Variants in STX12 observed in about 807,000 individuals in gnomAD.
STX12 encodes the protein syntaxin 12.
In STX12, 17 loss-of-function variants were observed where a neutral mutation model predicts 42.2. The ratio of observed to expected loss-of-function variants is 0.40; its 90% CI spans 0.28 to 0.60. The LOEUF is 0.60. STX12 is among the 20% of genes least tolerant of loss of function. The probability of loss-of-function intolerance (pLI) is 0.39; values close to 1 mark genes in which losing one functional copy is unlikely to be tolerated. For synonymous variants in STX12, 108 were observed against 116.7 expected, an observed-to-expected ratio of 0.93 and a Z score of 0.48; for missense variants, 297 against 330.9, an observed-to-expected ratio of 0.90 and a Z score of 0.79.
In STX12 at chr1:27,804,775, C is replaced by T. The variant is rs562755226; in HGVS notation, c.426+2960C>T. Among the ~76,000 whole-genome samples, 8 of 151,182 alleles carry T rather than the reference C, an allele frequency of 5.3e-5. No individual in the cohort carries two copies. The South Asian group carries it at 1.5e-3, about 28-fold the overall frequency. On this transcript the variant is annotated intron_variant, in intron 4 of 8. Transcript: ENST00000373943. ...GCCATGAGCTGAGACCGCACCGCTGCACTCCAGCCTGGGCAACAGAGTGAG... is the reference window on the plus strand; with the variant it reads ...GCCATGAGCTGAGACCGCACCGCTGTACTCCAGCCTGGGCAACAGAGTGAG...
intron 1 of STX12, among the ~76,000 whole-genome samples, chr1:27,773,663 GC>G (rs1204414839): frequency 6.6e-6 from 1 of 152,216 alleles, no homozygotes; most frequent in African/African-American, 2.4e-5. Flanking sequence ...CCCCCACGGT[GC>G]TGGGACCAAA....
intron 6 of STX12, among the ~76,000 whole-genome samples, chr1:27,815,812 C>T (rs542879725): frequency 3.9e-5 from 6 of 152,286 alleles, no homozygotes; most frequent in African/African-American, 1.2e-4. Context: ...TAGGGTCATG[C>T]CCCATATGAG....
intron 4 of STX12, 68 bp from the exon 5 acceptor site, chr1:27,810,178 A>T: frequency 6.9e-7 from 1 of 1,448,174 alleles, no homozygotes; most frequent in Non-Finnish European, 9.7e-7. Context: ...GTGCTAAGGA[A>T]GCCCTTGTTT....
In STX12 at chr1:27,792,733, A is replaced by T. The variant is rs2088757805; in HGVS notation, c.189-800A>T. Among the ~76,000 whole-genome samples, 6 of 152,198 alleles carry T rather than the reference A, an allele frequency of 3.9e-5. No homozygotes were observed. The South Asian group carries it at 1.2e-3, about 32-fold the overall frequency. ...CGGGAATTAGGATTTCAACATATGA[A>T]TTTTGCAGGGACACTAACATTCAGA... On this transcript the variant is annotated intron_variant, in intron 2 of 8. Coordinates refer to ENST00000373943, the MANE Select transcript of STX12 (RefSeq NM_177424.3).
At chr1:27,815,146 C>T (rs2088932217) in intron 6 of STX12, among the ~76,000 whole-genome samples, 1 of 152,054 alleles carries the variant, frequency 6.6e-6, no homozygotes, top group South Asian at 2.1e-4. Context: ...AAGTTATATG[C>T]AAATACTATG....
Position 27,810,228 on chromosome 1 carries a change from A to C in STX12, c.427-18A>C. ...GTGTTTCTGGATGACAGCAGCAATA[A>C]TACCATCTACTTTCTAGGCAGAAGA... is the stretch of plus-strand genomic sequence containing the variant. On this transcript the variant is annotated intron_variant, in intron 4 of 8. Transcript: ENST00000373943. The C allele has an allele frequency of 1.2e-6, 2 of 1,613,348 alleles. No individual in the cohort carries two copies. Among genetic ancestry groups the C allele is most frequent in the Non-Finnish European group, 1.7e-6 (2 of 1,179,438 alleles).
intron 6 of STX12, among the ~76,000 whole-genome samples, chr1:27,813,061 G>T (rs1340372438): frequency 6.6e-6 from 1 of 152,166 alleles, no homozygotes; most frequent in Non-Finnish European, 1.5e-5. Context: ...TATCCCTTCA[G>T]TGAGTCAGAG....
rs199824066 is a variant in STX12, at chr1:27,773,336, G to A, written c.29G>A (p.Arg10Gln). The A allele has an allele frequency of 3.5e-5, 57 of 1,611,640 alleles. No homozygotes were observed. Among genetic ancestry groups the A allele is most frequent in the Admixed American group, 2.0e-4 (12 of 59,732 alleles). ...TCATACGGTCCCTTAGACATGTACC[G>A]GAACCCGGGGCCCTCGGGGCCCCAG... is the stretch of plus-strand genomic sequence containing the variant. MSYGPLDMYRNPGPSGPQLR... is the reference protein window; with the variant it reads MSYGPLDMYQNPGPSGPQLR... The change falls in exon 1 of 9, where the codon CGG becomes CAG. Residue 10 changes from arginine (R) to glutamine (Q), a missense_variant. Arg to Gln is a conservative substitution (Grantham distance 43, BLOSUM62 1). Coordinates refer to ENST00000373943, the MANE Select transcript of STX12 (RefSeq NM_177424.3).
chr1:27,792,480 C>A (rs2148600552), intron 2 of STX12, among the ~76,000 whole-genome samples: 1 of 151,284 alleles, frequency 6.6e-6, no homozygotes, highest in East Asian at 1.9e-4. Flanking sequence ...TTTTCTACTG[C>A]CTGGGATGTT....
At chr1:27,811,429 ACCCCC>A (rs2088903220) in intron 5 of STX12, among the ~76,000 whole-genome samples, 1 of 151,656 alleles carries the variant, frequency 6.6e-6, no homozygotes, top group African/African-American at 2.4e-5. Flanking sequence ...ACAAAGCAAG[ACCCCC>A]ATTTCTAAAA....
chr1:27,817,960 T>G, intron 7 of STX12, 37 bp downstream of exon 7: 1 of 1,562,816 alleles, frequency 6.4e-7, no homozygotes, highest in East Asian at 2.2e-5. Context: ...CAAGGTGAGT[T>G]GATAGTATTT....
At chr1:27,810,968 T>A (rs893126902) in intron 5 of STX12, among the ~76,000 whole-genome samples, 3 of 151,972 alleles carry the variant, frequency 2.0e-5, no homozygotes, top group Admixed American at 1.3e-4. Context: ...TAATGGAAAA[T>A]TTCAAAGTGT....
At chr1:27,805,984 C>T (rs1042902879) in intron 4 of STX12, among the ~76,000 whole-genome samples, 2 of 152,098 alleles carry the variant, frequency 1.3e-5, no homozygotes, top group Non-Finnish European at 2.9e-5. Flanking sequence ...GATCTTTTAT[C>T]CATGCATGAT....
In STX12 at chr1:27,806,065, G is replaced by A. The variant is rs549230370; in HGVS notation, c.427-4181G>A. Among the ~76,000 whole-genome samples, 15 of 152,094 alleles carry A rather than the reference G, an allele frequency of 9.9e-5. No individual in the cohort carries two copies. The South Asian group carries it at 2.1e-3, about 21-fold the overall frequency. On this transcript the variant is annotated intron_variant, in intron 4 of 8. Transcript: ENST00000373943. Reference sequence around the variant, plus strand: ...GAGTTATGCAGCTCTTCCAAATGTCGATACATTTCATTTTACAATATAAAA... The same window carrying A: ...GAGTTATGCAGCTCTTCCAAATGTCAATACATTTCATTTTACAATATAAAA...
chr1:27,801,639 G>A, intron 3 of STX12, 39 bp from the exon 4 acceptor site: 2 of 1,474,608 alleles, frequency 1.4e-6, no homozygotes, highest in Non-Finnish European at 1.8e-6. Context: ...ATGATTCTGG[G>A]TTAATATGAA....
chr1:27,782,903 C>T lies in STX12; in HGVS notation c.119-6659C>T, dbSNP rs2088678197. Among the ~76,000 whole-genome samples the T allele has an allele frequency of 2.0e-5, 3 of 152,200 alleles. No individual in the cohort carries two copies. The South Asian group carries it at 6.2e-4, about 32-fold the overall frequency. On this transcript the variant is annotated intron_variant, in intron 1 of 8. Coordinates refer to ENST00000373943, the MANE Select transcript of STX12 (RefSeq NM_177424.3). ...AGTGATATAAAAACAGAATGTAAACCTAATTTTCAGAGTAAAACACTGAGA... is the reference window on the plus strand; with the variant it reads ...AGTGATATAAAAACAGAATGTAAACTTAATTTTCAGAGTAAAACACTGAGA...
intron 2 of STX12, among the ~76,000 whole-genome samples, chr1:27,790,656 G>T (rs377426306): frequency 1.3e-5 from 2 of 152,148 alleles, no homozygotes; most frequent in Non-Finnish European, 2.9e-5. Context: ...TATATGGAAG[G>T]GGGTGCTGGG....
chr1:27,774,850 T>G (rs2088618484), intron 1 of STX12, among the ~76,000 whole-genome samples: 2 of 152,080 alleles, frequency 1.3e-5, no homozygotes, highest in Admixed American at 1.3e-4. Flanking sequence ...ATTTTTAAAT[T>G]TTTTGTAGGG....
intron 2 of STX12, among the ~76,000 whole-genome samples, chr1:27,790,666 G>A (rs1012677443): frequency 6.6e-6 from 1 of 152,232 alleles, no homozygotes; most frequent in African/African-American, 2.4e-5. Flanking sequence ...GGGGTGCTGG[G>A]TGCAGTGACT....
Sources: gnomAD v4.1 joint callset for allele counts (sites outside exome capture counted in the v4.1 genomes callset) on GRCh38, gnomAD v4.1.1 for gene constraint, MANE v1.5 for transcripts, NCBI Gene and HGNC (gene_info 2026-07-23, HGNC 2026-07-21) for gene names.